The following EYS variants were observed in gnomAD, a reference collection of about 807,000 sequenced individuals.
The protein encoded by EYS is protein eyes shut homolog.
EYS carries 250 observed loss-of-function variants against 282.1 expected under a neutral mutation model. The observed-to-expected ratio is 0.89, with a 90% CI of 0.80 to 0.98. The LOEUF is 0.98. EYS is among the 50% of genes least tolerant of loss of function. The pLI, the probability that EYS is intolerant of heterozygous loss-of-function variation, is 0.00. For missense variants in EYS, 4,016 were observed against 3,709.0 expected (o/e 1.08, Z -2.15); for synonymous variants, 1,355 against 1,282.9 (o/e 1.06, Z -1.20).
chr6:65,203,283 GCA>G (rs1015702704), intron 12 of EYS, among the ~76,000 whole-genome samples: 2 of 152,136 alleles, frequency 1.3e-5, no homozygotes, highest in Non-Finnish European at 2.9e-5. Context: ...AGGGTGAGCT[GCA>G]CAACCCAACA....
intron 18 of EYS, among the ~76,000 whole-genome samples, chr6:64,900,583 C>T (rs958819266): frequency 6.6e-6 from 1 of 152,062 alleles, no homozygotes; most frequent in Non-Finnish European, 1.5e-5. Context: ...TATGAACACA[C>T]ACTTTTCAAA....
At chr6:65,255,011 C>T (rs1767422899) in intron 12 of EYS, among the ~76,000 whole-genome samples, 2 of 151,666 alleles carry the variant, frequency 1.3e-5, no homozygotes, top group South Asian at 2.1e-4. Flanking sequence ...ATATTTTTCA[C>T]AGAAAGAGAA....
At chr6:64,653,998 C>G (rs1562114788) in intron 22 of EYS, among the ~76,000 whole-genome samples, 1 of 152,102 alleles carries the variant, frequency 6.6e-6, no homozygotes, top group African/African-American at 2.4e-5. Flanking sequence ...AGATGTTAAA[C>G]CAAGATGAAT....
At chr6:65,259,141 T>C (rs1047982245) in intron 12 of EYS, among the ~76,000 whole-genome samples, 1 of 152,092 alleles carries the variant, frequency 6.6e-6, no homozygotes, top group Non-Finnish European at 1.5e-5. Flanking sequence ...TCTCTTCCTT[T>C]ATACATATAC....
At chr6:64,148,125 CT>C (rs944887431) in intron 31 of EYS, among the ~76,000 whole-genome samples, 9 of 152,056 alleles carry the variant, frequency 5.9e-5, no homozygotes, top group African/African-American at 2.2e-4. Flanking sequence ...TGTTTGAACA[CT>C]GAAAAATATA....
intron 12 of EYS, among the ~76,000 whole-genome samples, chr6:65,167,876 T>C (rs1765012061): frequency 6.6e-6 from 1 of 151,362 alleles, no homozygotes. Context: ...ATACCTTCCT[T>C]TTTAGCTGTG....
chr6:63,861,321 A>T (rs1442318954), intron 36 of EYS, among the ~76,000 whole-genome samples: 1 of 152,218 alleles, frequency 6.6e-6, no homozygotes, highest in Non-Finnish European at 1.5e-5. Context: ...TCTCCAGAAG[A>T]GATTTAAAAT....
At chr6:64,079,813 G>A (rs994373267) in intron 32 of EYS, among the ~76,000 whole-genome samples, 7 of 151,972 alleles carry the variant, frequency 4.6e-5, no homozygotes, top group African/African-American at 1.7e-4. Context: ...ATCAGAATAT[G>A]CGATGTTTGG....
intron 19 of EYS, among the ~76,000 whole-genome samples, chr6:64,858,612 A>C (rs1017297611): frequency 2.0e-4 from 30 of 152,000 alleles, no homozygotes; most frequent in Non-Finnish European, 3.5e-4. Context: ...ATTTAAGATA[A>C]TTTTTTTATT....
At chr6:65,139,007 T>C (rs756722326) in intron 12 of EYS, among the ~76,000 whole-genome samples, 1 of 152,110 alleles carries the variant, frequency 6.6e-6, no homozygotes, top group African/African-American at 2.4e-5. Context: ...AGTTCAGCCA[T>C]TGTGGAAAGC....
At chr6:64,625,100 A>G (rs1228240566) in intron 23 of EYS, among the ~76,000 whole-genome samples, 1 of 152,182 alleles carries the variant, frequency 6.6e-6, no homozygotes, top group Non-Finnish European at 1.5e-5. Context: ...ACTGCTGCTC[A>G]AGGAAATTTA....
chr6:65,058,515 T>C (rs1773481035), intron 12 of EYS, among the ~76,000 whole-genome samples: 1 of 139,810 alleles, frequency 7.2e-6, no homozygotes, highest in Non-Finnish European at 1.6e-5. Context: ...GAGTAATGGG[T>C]AGATGCATTT....
intron 13 of EYS, among the ~76,000 whole-genome samples, chr6:65,038,746 A>C (rs1772842984): frequency 6.6e-6 from 1 of 151,398 alleles, no homozygotes; most frequent in African/African-American, 2.4e-5. Flanking sequence ...CATTTTCAAT[A>C]ATTTTTTTAT....
At chr6:64,914,518 G>T (rs1459271218) in intron 15 of EYS, among the ~76,000 whole-genome samples, 1 of 151,956 alleles carries the variant, frequency 6.6e-6, no homozygotes, top group Non-Finnish European at 1.5e-5. Context: ...AAAGAAGGAA[G>T]AAACAAAGAA....
At chr6:64,198,159 G>A (rs1484053838) in intron 31 of EYS, among the ~76,000 whole-genome samples, 1 of 137,130 alleles carries the variant, frequency 7.3e-6, no homozygotes, top group Non-Finnish European at 1.6e-5. Context: ...CGGCCGGCCC[G>A]GCTAATTTTT....
chr6:64,273,746 T>C (rs1459907191), intron 30 of EYS, among the ~76,000 whole-genome samples: 2 of 152,186 alleles, frequency 1.3e-5, no homozygotes, highest in African/African-American at 4.8e-5. Context: ...TATTTGCAGC[T>C]TGGAAACTCT....
At chr6:64,082,638 C>A (rs938002561) in intron 31 of EYS, among the ~76,000 whole-genome samples, 12 of 151,972 alleles carry the variant, frequency 7.9e-5, no homozygotes, top group African/African-American at 2.7e-4. Context: ...TATTAATGTT[C>A]ATTAATATTT....
At chr6:65,493,179 T>G (rs1005602926) in intron 4 of EYS, among the ~76,000 whole-genome samples, 1 of 152,168 alleles carries the variant, frequency 6.6e-6, no homozygotes, top group Non-Finnish European at 1.5e-5. Context: ...CCTCCCAAAG[T>G]GCTGGGATTA....
intron 22 of EYS, among the ~76,000 whole-genome samples, chr6:64,771,355 G>T (rs1773517432): frequency 6.6e-6 from 1 of 151,258 alleles, no homozygotes; most frequent in Non-Finnish European, 1.5e-5. Flanking sequence ...CTACACTTTT[G>T]TCATTACTTT....
Sources: gnomAD v4.1 joint callset for allele counts (sites outside exome capture counted in the v4.1 genomes callset) on GRCh38, gnomAD v4.1.1 for gene constraint, MANE v1.5 for transcripts, NCBI Gene and HGNC (gene_info 2026-07-23, HGNC 2026-07-21) for gene names.